KIF16B: variants seen among roughly 807,000 people sequenced by gnomAD.
The protein encoded by KIF16B is kinesin family member 16B, also known as kinesin-like protein KIF16B.
A neutral mutation model predicts 156.3 loss-of-function variants in KIF16B; 98 were observed. The ratio of observed to expected loss-of-function variants is 0.63; its 90% CI spans 0.53 to 0.74. The LOEUF is 0.74. Ranked by LOEUF, KIF16B falls within the 30% of genes least tolerant of loss-of-function variation. The pLI is 0.00. For missense variants in KIF16B, 1,421 were observed against 1,606.5 expected, an observed-to-expected ratio of 0.88 and a Z score of 1.97; for synonymous variants, 564 against 583.7, an observed-to-expected ratio of 0.97 and a Z score of 0.49.
At chr20:16,368,919 C>G (rs1243630932) in intron 22 of KIF16B, 7 of 985,744 alleles carry the variant, frequency 7.1e-6, no homozygotes, top group Non-Finnish European at 8.4e-6. Flanking sequence ...AATTTTCTGA[C>G]TGACTCTGAA....
chr20:16,523,677 A>T (rs1412325207), intron 3 of KIF16B, among the ~76,000 whole-genome samples: 2 of 152,210 alleles, frequency 1.3e-5, no homozygotes, highest in African/African-American at 4.8e-5. Context: ...GAATTAGAAA[A>T]AAACTACTTT....
rs1197236027 is a variant in KIF16B at position 16,409,960 on chromosome 20, TATATATATAC to T, written c.1613-3514_1613-3505del. On this transcript the variant is annotated intron_variant, in intron 15 of 25. Transcript: ENST00000354981. Reference sequence around the variant, plus strand: ...ACCCACTTACCTACATATATATATATATATATATACATATATATATATATATATATATGTA... The same window carrying T: ...ACCCACTTACCTACATATATATATATATATATATATATATATATATATGTA... Among the ~76,000 whole-genome samples, 135 of 38,726 alleles carry T rather than the reference TATATATATAC, an allele frequency of 3.5e-3. 7 individuals are homozygous for T. Among genetic ancestry groups the T allele is most frequent in the South Asian group, 0.01 (9 of 882 alleles). The allele number at this position is 38,726 out of a possible 152,430, so 25.4% of individuals were successfully genotyped here. A position where few individuals can be genotyped will look rare whatever the true frequency, so the allele number is the denominator to read the frequency against.
At chr20:16,397,184 T>G (rs2065527523) in intron 17 of KIF16B, among the ~76,000 whole-genome samples, 1 of 152,238 alleles carries the variant, frequency 6.6e-6, no homozygotes, top group African/African-American at 2.4e-5. Flanking sequence ...TTAAAGACGC[T>G]GCACCAGCTG....
chr20:16,414,744 G>C (rs963578550), intron 15 of KIF16B, among the ~76,000 whole-genome samples: 1 of 152,092 alleles, frequency 6.6e-6, no homozygotes, highest in Admixed American at 6.6e-5. Context: ...GCAGGGAGAG[G>C]GGGTGGTAAG....
intron 1 of KIF16B, among the ~76,000 whole-genome samples, chr20:16,566,291 T>C (rs1231996466): frequency 6.6e-6 from 1 of 152,208 alleles, no homozygotes; most frequent in Non-Finnish European, 1.5e-5. Context: ...GACAGACATC[T>C]TGAACCTCAG....
intron 25 of KIF16B, among the ~76,000 whole-genome samples, chr20:16,306,269 T>C (rs1397187125): frequency 1.3e-5 from 2 of 152,192 alleles, no homozygotes; most frequent in African/African-American, 4.8e-5. Context: ...CTTATCTATT[T>C]CTTTGACAGG....
intron 17 of KIF16B, among the ~76,000 whole-genome samples, chr20:16,393,192 AC>A: frequency 6.6e-6 from 1 of 152,238 alleles, no homozygotes. Context: ...AGCAAATATT[AC>A]AAATATAAAC....
chr20:16,566,837 T>C (rs1417586944), intron 1 of KIF16B, among the ~76,000 whole-genome samples: 4 of 152,242 alleles, frequency 2.6e-5, no homozygotes, highest in Non-Finnish European at 5.9e-5. Flanking sequence ...AAATCCTTTT[T>C]TTATTTTATT....
intron 12 of KIF16B, among the ~76,000 whole-genome samples, chr20:16,480,842 T>C (rs540811446): frequency 5.3e-5 from 8 of 152,220 alleles, no homozygotes; most frequent in African/African-American, 9.7e-5. Flanking sequence ...AATAACTGCA[T>C]TTAACAAAAT....
At chr20:16,539,348 G>A (rs2070105123) in intron 1 of KIF16B, among the ~76,000 whole-genome samples, 1 of 152,192 alleles carries the variant, frequency 6.6e-6, no homozygotes, top group African/African-American at 2.4e-5. Context: ...TGAGGTCTCA[G>A]GTGGAAATCA....
At chr20:16,377,255 A>G (rs2064974663) in intron 19 of KIF16B, among the ~76,000 whole-genome samples, 1 of 151,956 alleles carries the variant, frequency 6.6e-6, no homozygotes, top group Non-Finnish European at 1.5e-5. Flanking sequence ...CTCCAATCTG[A>G]GCTTCAGTTA....
intron 25 of KIF16B, among the ~76,000 whole-genome samples, chr20:16,292,867 C>A (rs1459057979): frequency 2.0e-5 from 3 of 152,140 alleles, no homozygotes; most frequent in African/African-American, 7.2e-5. Flanking sequence ...GATAACAGTA[C>A]TAAAAGATGC....
intron 12 of KIF16B, among the ~76,000 whole-genome samples, chr20:16,485,563 T>C (rs2328040): frequency 0.12 from 18,612 of 152,144 alleles, 1,785 homozygotes; most frequent in African/African-American, 0.27. Context: ...TTACAACACA[T>C]GAAGGATCAA....
At chr20:16,374,435 C>T (rs1465989709) in intron 19 of KIF16B, 26 bp from the exon 20 acceptor site, 1 of 1,490,712 alleles carries the variant, frequency 6.7e-7, no homozygotes, top group Admixed American at 2.0e-5. Context: ...CCACATAATT[C>T]ATTCATTAAT....
At chr20:16,560,004 G>C (rs1352376105) in intron 1 of KIF16B, among the ~76,000 whole-genome samples, 2 of 152,098 alleles carry the variant, frequency 1.3e-5, no homozygotes, top group African/African-American at 4.8e-5. Context: ...ATTCAAAGAA[G>C]TTGGGTAAAA....
In KIF16B at chr20:16,456,698, C is replaced by T. The variant is rs111452179; in HGVS notation, c.1303-26716G>A. On this transcript the variant is annotated intron_variant, in intron 12 of 25. Transcript: ENST00000354981. ...GACCTCAGAGACCATGACATTACAA[C>T]GCTATGCTCTACTACTCAGTGGTAC... Among the ~76,000 whole-genome samples the T allele has an allele frequency of 1.2e-3, 186 of 152,292 alleles. 2 individuals carry two copies. Among genetic ancestry groups the T allele is most frequent in the African/African-American group, 4.1e-3 (172 of 41,572 alleles).
chr20:16,529,795 T>C lies in KIF16B; in HGVS notation c.48-1355A>G, dbSNP rs1054787752. ...GGAGAAACCCCATCTCTACTAAAAA[T>C]AGAAAATTAGCCGGCCATGGTGGCG... is the stretch of plus-strand genomic sequence containing the variant. On this transcript the variant is annotated intron_variant, in intron 1 of 25. Transcript: ENST00000354981. Among the ~76,000 whole-genome samples the C allele has an allele frequency of 3.3e-5, 5 of 152,006 alleles. No homozygotes were observed. In the East Asian group the frequency reaches 5.8e-4, roughly 18 times the overall value.
chr20:16,504,057 A>G (rs1370720338), intron 10 of KIF16B, among the ~76,000 whole-genome samples: 24 of 152,356 alleles, frequency 1.6e-4, no homozygotes, highest in East Asian at 1.9e-4. Context: ...TATTCTAAGC[A>G]TATCAATTTC....
intron 12 of KIF16B, among the ~76,000 whole-genome samples, chr20:16,466,882 T>A (rs2067507371): frequency 6.8e-6 from 1 of 146,774 alleles, no homozygotes; most frequent in South Asian, 2.2e-4. Context: ...ACTCCAGGAG[T>A]GGCTTTTCTA....
Sources: gnomAD v4.1 joint callset for allele counts (sites outside exome capture counted in the v4.1 genomes callset) on GRCh38, gnomAD v4.1.1 for gene constraint, MANE v1.5 for transcripts, NCBI Gene and HGNC (gene_info 2026-07-23, HGNC 2026-07-21) for gene names.